The following AK7 variants were observed in gnomAD, a reference collection of about 807,000 sequenced individuals.
The protein encoded by AK7 is adenylate kinase 7.
AK7 carries 78 observed loss-of-function variants against 96.6 expected under a neutral mutation model. The ratio of observed to expected loss-of-function variants is 0.81; its 90% CI spans 0.67 to 0.97. AK7 has a LOEUF of 0.97. Ranked by LOEUF, AK7 falls within the 50% of genes least tolerant of loss-of-function variation. AK7 has a pLI of 0.00. For missense variants in AK7, 855 were observed against 887.9 expected (o/e 0.96, Z 0.47); for synonymous variants, 302 against 317.2 (o/e 0.95, Z 0.51).
At chr14:96,486,627 A>T (rs527682029) in intron 16 of AK7, among the ~76,000 whole-genome samples, 1 of 150,052 alleles carries the variant, frequency 6.7e-6, no homozygotes, top group Non-Finnish European at 1.5e-5. Flanking sequence ...CAGACTTTCT[A>T]GTGGCATTTC....
At chr14:96,477,398 T>C (rs1184902585) in intron 14 of AK7, among the ~76,000 whole-genome samples, 2 of 152,162 alleles carry the variant, frequency 1.3e-5, no homozygotes, top group East Asian at 3.8e-4. Context: ...CCAATACAAT[T>C]TTAGAACAAA....
rs756232944 is a variant in AK7, at chr14:96,483,145, G to C, written c.1900G>C (p.Ala634Pro). The change falls in exon 16 of 18, where the codon GCT becomes CCT. Residue 634 changes from alanine to proline, a missense_variant. By Grantham distance (27) the Ala-to-Pro change is conservative (BLOSUM62 -1). Coordinates refer to ENST00000267584, the MANE Select transcript of AK7 (RefSeq NM_152327.5). ...TGCGGAGGAGCGGCTGGCCAGGGAG[G>C]CTGCTGAGGAAGCAGAACGCGAGCA... ...KAAEERLARE[A>P]AEEAEREHQE... The C allele has an allele frequency of 3.1e-6, 5 of 1,613,880 alleles. No individual in the cohort carries two copies. The highest frequency in any genetic ancestry group is 4.5e-5 in the East Asian group (2 of 44,874).
At chr14:96,445,380 C>G (rs1377989141) in intron 7 of AK7, among the ~76,000 whole-genome samples, 1 of 152,180 alleles carries the variant, frequency 6.6e-6, no homozygotes, top group South Asian at 2.1e-4. Flanking sequence ...AGAAAATAGG[C>G]TAGGTGCAGT....
intron 1 of AK7, among the ~76,000 whole-genome samples, chr14:96,395,535 A>T (rs1448189035): frequency 2.6e-5 from 4 of 151,938 alleles, no homozygotes; most frequent in Non-Finnish European, 1.5e-5. Flanking sequence ...TGATATGAAC[A>T]TGATTGAGAT....
chr14:96,456,776 G>A (rs62617092), intron 11 of AK7: 2,872 of 249,978 alleles, frequency 0.011, 81 homozygotes, highest in African/African-American at 0.059. Context: ...TGTTTGTGTC[G>A]TCTTCTTCGT....
chr14:96,457,149 C>T (rs1290171289), intron 11 of AK7: 2 of 150,632 alleles, frequency 1.3e-5, no homozygotes, highest in Admixed American at 6.7e-5. Flanking sequence ...CAACCTTCAC[C>T]TCCTGGGTTC....
chr14:96,471,333 T>TAAAA (rs35566282), intron 12 of AK7, 145 bp from the exon 13 acceptor site: 5 of 186,144 alleles, frequency 2.7e-5, no homozygotes, highest in East Asian at 1.1e-4. Flanking sequence ...CCCGTCTCTT[T>TAAAA]AAAAAAAAAA....
At chr14:96,436,185 C>G (rs1308157442) in intron 5 of AK7, among the ~76,000 whole-genome samples, 1 of 152,052 alleles carries the variant, frequency 6.6e-6, no homozygotes, top group Non-Finnish European at 1.5e-5. Flanking sequence ...AGAAATGAGC[C>G]CTTTAGGCTA....
At chr14:96,407,731 G>A (rs929813781) in intron 3 of AK7, among the ~76,000 whole-genome samples, 14 of 151,766 alleles carry the variant, frequency 9.2e-5, no homozygotes, top group Admixed American at 7.9e-4. Context: ...ACAGATGCCC[G>A]CCACCACGCC....
intron 13 of AK7, 72 bp from the exon 14 acceptor site, chr14:96,472,615 T>G: frequency 8.3e-7 from 1 of 1,204,302 alleles, no homozygotes; most frequent in Non-Finnish European, 1.2e-6. Context: ...CTTAAGATAT[T>G]TGGAATTTTT....
chr14:96,465,550 A>C (rs555811740), intron 12 of AK7, among the ~76,000 whole-genome samples: 1 of 152,100 alleles, frequency 6.6e-6, no homozygotes, highest in Admixed American at 6.6e-5. Context: ...GTAAAGGAAA[A>C]CCGTGTTTCT....
intron 5 of AK7, chr14:96,424,220 G>A (rs933057753): frequency 4.2e-6 from 2 of 472,488 alleles, no homozygotes; most frequent in Non-Finnish European, 7.7e-6. Context: ...CCCGCGTGGC[G>A]GGGCCGAGCG....
chr14:96,446,871 C>T (rs754451276), intron 8 of AK7, among the ~76,000 whole-genome samples: 2 of 152,042 alleles, frequency 1.3e-5, no homozygotes, highest in African/African-American at 2.4e-5. Context: ...ACCCAGGAGA[C>T]GGTGGTTGCA....
At chr14:96,460,883 A>G in intron 12 of AK7, among the ~76,000 whole-genome samples, 1 of 152,158 alleles carries the variant, frequency 6.6e-6, no homozygotes, top group Admixed American at 6.6e-5. Context: ...CCTGAAGGCC[A>G]GGTTAGCCCT....
Position 96,420,877 on chromosome 14 carries a change from C to G in AK7, c.554C>G (p.Pro185Arg), listed in dbSNP as rs1181588550. Residue 185 changes from proline to arginine, a missense_variant, in exon 5 of 18, where the codon CCT becomes CGT. Coordinates refer to ENST00000267584, the MANE Select transcript of AK7 (RefSeq NM_152327.5). ...EEDYRRRKSH[P>R]NFLDHINAEK... ...GATTATCGAAGAAGAAAGTCTCATC[C>G]TAATTTTCTGGACCACATAAATGCT... is the stretch of plus-strand genomic sequence containing the variant. 1.2e-5 allele frequency: 20 copies of G among 1,613,622 alleles called. No homozygotes were observed. Among genetic ancestry groups the G allele is most frequent in the Non-Finnish European group, 1.6e-5 (19 of 1,179,764 alleles).
In AK7 at chr14:96,478,560, G is replaced by A. The variant is rs1895316786; in HGVS notation, c.1651G>A (p.Asp551Asn). Residue 551 changes from aspartate to asparagine, a missense_variant, in exon 15 of 18, where the codon GAC becomes AAC. Physicochemically the swap from Asp to Asn is conservative, Grantham distance 23. Transcript: ENST00000267584. ...SIVAGTHYSQ[D>N]RFLRALSNYR... is the part of the protein sequence containing the mutation. The stretch of plus-strand genomic sequence containing the variant: ...CGTGGCGGGGACCCACTACAGCCAA[G>A]ACCGATTCCTCCGGGCTCTGAGCAA... The A allele has an allele frequency of 6.2e-7, 1 of 1,614,162 alleles. No individual in the cohort carries two copies. The highest frequency in any genetic ancestry group is 1.1e-5 in the South Asian group (1 of 91,074).
chr14:96,395,231 C>T (rs950050617), intron 1 of AK7, among the ~76,000 whole-genome samples: 3 of 152,176 alleles, frequency 2.0e-5, no homozygotes, highest in African/African-American at 7.2e-5. Context: ...AAAGTCAACA[C>T]ATATTTTGTA....
At chr14:96,457,307 C>T (rs1010820747) in intron 11 of AK7, among the ~76,000 whole-genome samples, 6 of 152,038 alleles carry the variant, frequency 3.9e-5, no homozygotes, top group East Asian at 1.9e-4. Flanking sequence ...GTGATCCGCC[C>T]GCCTTGGCCT....
At chr14:96,486,861 C>T (rs1309349826) in intron 16 of AK7, 37 bp from the exon 17 acceptor site, 1 of 1,593,594 alleles carries the variant, frequency 6.3e-7, no homozygotes, top group East Asian at 2.2e-5. Flanking sequence ...CCCTTTCTCA[C>T]TACACATTTA....
Sources: gnomAD v4.1 joint callset for allele counts (sites outside exome capture counted in the v4.1 genomes callset) on GRCh38, gnomAD v4.1.1 for gene constraint, MANE v1.5 for transcripts, NCBI Gene and HGNC (gene_info 2026-07-23, HGNC 2026-07-21) for gene names.